Variants in DENND6A observed in about 807,000 individuals in gnomAD.
DENND6A encodes DENN domain containing 6A, also known as protein DENND6A.
DENND6A carries 43 observed loss-of-function variants against 95.5 expected under a neutral mutation model. That is an observed-to-expected ratio of 0.45 (90% CI 0.35 to 0.58). The LOEUF (loss-of-function observed/expected upper bound fraction) is 0.58, where lower values mean the gene tolerates loss of function less well. DENND6A is among the 20% of genes least tolerant of loss of function. DENND6A has a pLI of 0.00. For synonymous variants in DENND6A, 257 were observed against 260.4 expected, an observed-to-expected ratio of 0.99 and a Z score of 0.13; for missense variants, 574 against 736.0, an observed-to-expected ratio of 0.78 and a Z score of 2.55.
At chr3:57,675,477 G>A (rs1341476045) in intron 1 of DENND6A, among the ~76,000 whole-genome samples, 1 of 152,082 alleles carries the variant, frequency 6.6e-6, no homozygotes, top group Non-Finnish European at 1.5e-5. Context: ...AAAATGAAAC[G>A]GAAAAATAAT....
intron 12 of DENND6A, among the ~76,000 whole-genome samples, chr3:57,639,999 G>A (rs954665095): frequency 9.2e-5 from 14 of 152,086 alleles, no homozygotes; most frequent in Admixed American, 2.0e-4. Context: ...CTGGCCAGGC[G>A]CAGTGGCTCA....
chr3:57,654,024 T>A lies in DENND6A; in HGVS notation c.818+3656A>T, dbSNP rs185990296. Among the ~76,000 whole-genome samples, 231 of 136,384 alleles carry A rather than the reference T, an allele frequency of 1.7e-3. 1 individual carries two copies. The highest frequency in any genetic ancestry group is 6.1e-3 in the African/African-American group (217 of 35,814). 89.5% of individuals were successfully genotyped at this position (136,384 alleles called of 152,430 possible). ...GTGCAGTGGCACGATCTCAGCTCAC[T>A]GCAAGCTCCACCTCCCGGGTTCACA... On this transcript the variant is annotated intron_variant, in intron 9 of 19. Coordinates refer to ENST00000311128, the MANE Select transcript of DENND6A (RefSeq NM_152678.3).
At chr3:57,669,978 CCA>C (rs2071588472) in intron 3 of DENND6A, among the ~76,000 whole-genome samples, 1 of 148,228 alleles carries the variant, frequency 6.7e-6, no homozygotes, top group Non-Finnish European at 1.5e-5. Flanking sequence ...TGCGATCGTG[CCA>C]CTGCACTCCA....
intron 14 of DENND6A, among the ~76,000 whole-genome samples, chr3:57,634,276 C>T (rs1434539640): frequency 1.4e-5 from 2 of 147,126 alleles, no homozygotes; most frequent in Non-Finnish European, 3.0e-5. Context: ...CTACTAAAAA[C>T]ACAGAAATTA....
intron 1 of DENND6A, among the ~76,000 whole-genome samples, chr3:57,687,640 G>C (rs1333566080): frequency 6.6e-6 from 1 of 152,090 alleles, no homozygotes; most frequent in Non-Finnish European, 1.5e-5. Flanking sequence ...AGTTTCAAAG[G>C]ATAGGATGAC....
intron 1 of DENND6A, among the ~76,000 whole-genome samples, chr3:57,692,229 C>CAA (rs11303769): frequency 3.1e-3 from 224 of 72,696 alleles, no homozygotes; most frequent in Non-Finnish European, 3.7e-3. Context: ...AACTCCGTCT[C>CAA]AAAAAAAAAA....
chr3:57,663,483 A>AT (rs1481078936), intron 5 of DENND6A, among the ~76,000 whole-genome samples, 153 bp downstream of exon 5: 314 of 117,598 alleles, frequency 2.7e-3, no homozygotes, highest in African/African-American at 9.9e-3. Context: ...AAAAAAAAAA[A>AT]AAAAATATAT....
chr3:57,642,663 C>T (rs9830655), intron 11 of DENND6A, among the ~76,000 whole-genome samples: 125,717 of 151,962 alleles, frequency 0.83, 52,299 homozygotes, highest in East Asian at 1. Flanking sequence ...GGGAAACTAC[C>T]AGATAACCAA....
Position 57,628,245 on chromosome 3 carries a change from T to G in DENND6A, c.1796A>C (p.Gln599Pro). ...AIILALPEDLQGILLKTGMT is the reference protein window; with the variant it reads ...AIILALPEDLPGILLKTGMT ...CATGCCCGTTTTGAGCAGTATGCCT[T>G]GCAAGTCCTCTGGCAATGCTAAGAT... The change falls in exon 20 of 20, where the codon CAA becomes CCA. Residue 599 changes from glutamine to proline, a missense_variant. Around this residue, in one of 2 missense-constraint regions of DENND6A, gnomAD observed 452 missense variants for 630.9 expected, o/e 0.72. Transcript: ENST00000311128. 1 of 1,613,924 alleles carries G rather than the reference T, an allele frequency of 6.2e-7. No individual in the cohort carries two copies. Among genetic ancestry groups the G allele is most frequent in the Non-Finnish European group, 8.5e-7 (1 of 1,179,954 alleles).
rs538612480 is a variant in DENND6A at position 57,693,010 on chromosome 3, C to A, written c.9G>T (p.Leu3Phe). 78 of 1,481,774 alleles carry A rather than the reference C, an allele frequency of 5.3e-5. No individual in the cohort carries two copies. The South Asian group carries it at 9.9e-4, about 19-fold the overall frequency. 91.8% of individuals were successfully genotyped at this position (1,481,774 alleles called of 1,614,324 possible). Residue 3 changes from leucine (L) to phenylalanine (F), a missense_variant, in exon 1 of 20, where the codon TTG becomes TTT. Transcript: ENST00000311128. The stretch of plus-strand genomic sequence containing the variant: ...CGGGCCCCAAGCCCGCAGGGCCCCT[C>A]AAAGCCATCGGCCGCCCCCTGACCG... Reference protein sequence around the residue: MALRGPAGLGPGS... With the variant: MAFRGPAGLGPGS...
intron 4 of DENND6A, among the ~76,000 whole-genome samples, chr3:57,664,030 GTCA>G (rs1283184910): frequency 1.7e-5 from 1 of 59,814 alleles, no homozygotes; most frequent in Non-Finnish European, 4.7e-5. Context: ...AAGTACTAAA[GTCA>G]AATTTTCCCC....
At chr3:57,631,076 C>A (rs1396376993) in intron 15 of DENND6A, 98 bp from the exon 16 acceptor site, 2 of 1,049,764 alleles carry the variant, frequency 1.9e-6, no homozygotes, top group Non-Finnish European at 1.4e-6. Context: ...TAATCATATG[C>A]CCTTTCAATG....
intron 5 of DENND6A, 35 bp from the exon 6 acceptor site, chr3:57,661,586 G>A: frequency 6.7e-7 from 1 of 1,489,360 alleles, no homozygotes; most frequent in Non-Finnish European, 9.0e-7. Flanking sequence ...TTTAAAAATT[G>A]CTTTGTCATT....
At chr3:57,631,496 G>A (rs1038699924) in intron 15 of DENND6A, among the ~76,000 whole-genome samples, 10 of 151,276 alleles carry the variant, frequency 6.6e-5, no homozygotes, top group South Asian at 4.2e-4. Flanking sequence ...GCCCAACAAC[G>A]CGGTCCATTT....
Position 57,681,346 on chromosome 3 carries a change from C to T in DENND6A, c.238-8908G>A, listed in dbSNP as rs370461912. On this transcript the variant is annotated intron_variant, in intron 1 of 19. Transcript: ENST00000311128. ...AGGCGTGGTGGCGGGCACCTGTAGT[C>T]CCAGCTACTCGGGAGGCTAAGGCAG... Among the ~76,000 whole-genome samples the T allele has an allele frequency of 4.7e-4, 71 of 152,180 alleles. 2 individuals carry two copies. In the East Asian group the frequency reaches 0.013, roughly 29 times the overall value.
At chr3:57,674,934 T>C (rs1559828246) in intron 1 of DENND6A, among the ~76,000 whole-genome samples, 1 of 152,112 alleles carries the variant, frequency 6.6e-6, no homozygotes, top group Non-Finnish European at 1.5e-5. Flanking sequence ...TGAGACCTTA[T>C]GAACACAAAG....
rs1344971907 is a variant in DENND6A at position 57,627,621 on chromosome 3, A to G, written c.*593T>C. On this transcript the variant is annotated 3_prime_UTR_variant, in exon 20 of 20. Coordinates refer to ENST00000311128, the MANE Select transcript of DENND6A (RefSeq NM_152678.3). Reference sequence around the variant, plus strand: ...ATGTCTATTAATAAACACAATGGGTAGCAAGAAACTTTTTTTTTAAACAAT... The same window carrying G: ...ATGTCTATTAATAAACACAATGGGTGGCAAGAAACTTTTTTTTTAAACAAT... The G allele has an allele frequency of 6.6e-6, 1 of 152,512 alleles. No homozygotes were observed. Among genetic ancestry groups the G allele is most frequent in the East Asian group, 1.9e-4 (1 of 5,204 alleles). 9.4% of individuals were successfully genotyped at this position (152,512 alleles called of 1,614,324 possible).
chr3:57,664,864 T>C (rs2071502552), intron 4 of DENND6A, among the ~76,000 whole-genome samples: 1 of 151,894 alleles, frequency 6.6e-6, no homozygotes, highest in South Asian at 2.1e-4. Flanking sequence ...AATATTATTG[T>C]AATAGGAGGA....
rs1208063377 is a variant in DENND6A at position 57,653,213 on chromosome 3, T to C, written c.818+4467A>G. Among the ~76,000 whole-genome samples the C allele has an allele frequency of 2.0e-5, 3 of 152,296 alleles. No individual in the cohort carries two copies. The East Asian group carries it at 5.8e-4, about 29-fold the overall frequency. On this transcript the variant is annotated intron_variant, in intron 9 of 19. Transcript: ENST00000311128. Reference sequence around the variant, plus strand: ...TGAAAAAGGCCTACATGAAAACATCTCACCAACTGACTTTAATAGTGGGAT... The same window carrying C: ...TGAAAAAGGCCTACATGAAAACATCCCACCAACTGACTTTAATAGTGGGAT...
Sources: gnomAD v4.1 joint callset for allele counts (sites outside exome capture counted in the v4.1 genomes callset) on GRCh38, gnomAD v4.1.1 for gene constraint, gnomAD v4.1.1 regional missense constraint, MANE v1.5 for transcripts, NCBI Gene and HGNC (gene_info 2026-07-23, HGNC 2026-07-21) for gene names.